CHST9: variants seen among roughly 807,000 people sequenced by gnomAD.
CHST9 encodes GalNAc-4-sulfotransferase 2.
CHST9 carries 41 observed loss-of-function variants against 44.4 expected under a neutral mutation model. The observed-to-expected ratio is 0.92, with a 90% confidence interval of 0.72 to 1.20. CHST9 has a LOEUF of 1.20. CHST9 is among the 50% of genes most tolerant of loss of function. The pLI, the probability that CHST9 is intolerant of heterozygous loss-of-function variation, is 0.00. For synonymous variants in CHST9, 171 were observed against 178.4 expected (o/e 0.96, Z 0.33); for missense variants, 504 against 516.5 (o/e 0.98, Z 0.23).
chr18:27,143,583 C>A (rs943150016), intron 1 of CHST9, among the ~76,000 whole-genome samples: 10 of 144,724 alleles, frequency 6.9e-5, no homozygotes, highest in Non-Finnish European at 1.1e-4. Context: ...TTAATATAAC[C>A]TTAACCTTTT....
At chr18:27,031,387 C>A (rs2057338932) in intron 3 of CHST9, among the ~76,000 whole-genome samples, 1 of 152,084 alleles carries the variant, frequency 6.6e-6, no homozygotes, top group Admixed American at 6.6e-5. Flanking sequence ...TGACATATCC[C>A]CCCACCATCT....
At chr18:26,939,709 C>T (rs917506969) in intron 5 of CHST9, among the ~76,000 whole-genome samples, 2 of 152,160 alleles carry the variant, frequency 1.3e-5, no homozygotes, top group Non-Finnish European at 1.5e-5. Flanking sequence ...GCACTAGAGG[C>T]CTGATTCATT....
intron 1 of CHST9, among the ~76,000 whole-genome samples, chr18:27,176,959 A>C (rs964852077): frequency 2.0e-5 from 3 of 152,036 alleles, no homozygotes; most frequent in Admixed American, 2.0e-4. Flanking sequence ...TGATCATGCA[A>C]GAGGAGGATT....
At chr18:26,923,223 A>G (rs1338145232) in intron 5 of CHST9, among the ~76,000 whole-genome samples, 2 of 152,218 alleles carry the variant, frequency 1.3e-5, no homozygotes, top group African/African-American at 2.4e-5. Flanking sequence ...GCAAGATACT[A>G]TTGGAAGCTG....
At chr18:26,970,901 T>C (rs1394079209) in intron 4 of CHST9, among the ~76,000 whole-genome samples, 1 of 152,210 alleles carries the variant, frequency 6.6e-6, no homozygotes. Flanking sequence ...TCAAGATCTA[T>C]TCCTGCTTGT....
intron 2 of CHST9, among the ~76,000 whole-genome samples, chr18:27,076,456 G>A (rs113674084): frequency 7.9e-5 from 12 of 152,204 alleles, no homozygotes; most frequent in African/African-American, 2.2e-4. Flanking sequence ...AGAATTCTTG[G>A]AACACTTTGG....
intron 1 of CHST9, among the ~76,000 whole-genome samples, chr18:27,155,241 A>G (rs1021689977): frequency 1.3e-5 from 2 of 152,160 alleles, no homozygotes; most frequent in Admixed American, 1.3e-4. Context: ...ATGATCTACA[A>G]TATTAAGATG....
chr18:27,107,246 C>G (rs1261524393), intron 2 of CHST9, among the ~76,000 whole-genome samples: 1 of 152,166 alleles, frequency 6.6e-6, no homozygotes, highest in African/African-American at 2.4e-5. Context: ...TGAAGAGTTA[C>G]TGAAGTTTCC....
At chr18:27,054,907 A>T (rs765426876) in intron 2 of CHST9, among the ~76,000 whole-genome samples, 1 of 152,148 alleles carries the variant, frequency 6.6e-6, no homozygotes, top group Non-Finnish European at 1.5e-5. Flanking sequence ...ACACACACAT[A>T]TATACTATAT....
At chr18:27,130,145 T>C (rs1172456872) in intron 2 of CHST9, among the ~76,000 whole-genome samples, 1 of 152,184 alleles carries the variant, frequency 6.6e-6, no homozygotes, top group Non-Finnish European at 1.5e-5. Flanking sequence ...CTTTGACATT[T>C]AAAGGAGTTT....
At chr18:27,088,765 T>C (rs1197090327) in intron 2 of CHST9, among the ~76,000 whole-genome samples, 1 of 152,186 alleles carries the variant, frequency 6.6e-6, no homozygotes, top group Non-Finnish European at 1.5e-5. Flanking sequence ...CTACTCAAGC[T>C]GCTAGTAAAT....
At chr18:27,152,562 A>G (rs146995617) in intron 1 of CHST9, among the ~76,000 whole-genome samples, 13 of 152,326 alleles carry the variant, frequency 8.5e-5, no homozygotes, top group Middle Eastern at 3.4e-3. Context: ...AAAATATCAT[A>G]TTTGACATTT....
At chr18:27,048,743 T>C (rs1285131352) in intron 2 of CHST9, among the ~76,000 whole-genome samples, 1 of 152,182 alleles carries the variant, frequency 6.6e-6, no homozygotes, top group Non-Finnish European at 1.5e-5. Flanking sequence ...AAAATCTTGT[T>C]AGCCAGAGTC....
rs1426176177 is a variant in CHST9 at position 26,916,080 on chromosome 18, AGG to A, written c.*177_*178del. ...AACTCAAGTTGTTTACATCTCCTGT[AGG>A]TGATTTTCCTATAACTTTGTGCCAA... On this transcript the variant is annotated 3_prime_UTR_variant, in exon 6 of 6. Transcript: ENST00000618847. 6 of 513,600 alleles carry A rather than the reference AGG, an allele frequency of 1.2e-5. No homozygotes were observed. The highest frequency in any genetic ancestry group is 2.0e-5 in the African/African-American group (1 of 51,062). 31.8% of individuals were successfully genotyped at this position (513,600 alleles called of 1,614,324 possible).
At chr18:27,098,146 G>C (rs2058135522) in intron 2 of CHST9, among the ~76,000 whole-genome samples, 1 of 151,790 alleles carries the variant, frequency 6.6e-6, no homozygotes, top group Non-Finnish European at 1.5e-5. Context: ...AGTGGGTGAA[G>C]GATATGAACA....
At chr18:27,162,339 A>G (rs1379723810) in intron 1 of CHST9, among the ~76,000 whole-genome samples, 1 of 151,746 alleles carries the variant, frequency 6.6e-6, no homozygotes, top group Non-Finnish European at 1.5e-5. Flanking sequence ...GCTTGTCTGT[A>G]AAGGATTTTA....
At position 27,142,778 on chromosome 18, in the gene CHST9, T is replaced by C. The variant is rs1446039094; in HGVS notation, c.32A>G (p.Lys11Arg). ...TATCAGCACAGAGAGGAAGACTTGT[T>C]TGGGGTTCATGACCATTTCAGATGG... MQPSEMVMNP[K>R]QVFLSVLIFG... The change falls in exon 2 of 6, where the codon AAA (lysine) becomes AGA (arginine). Residue 11 changes from lysine to arginine, a missense_variant. Lys to Arg is a conservative substitution (Grantham distance 26). Coordinates refer to ENST00000618847, the MANE Select transcript of CHST9 (RefSeq NM_031422.6). The C allele has an allele frequency of 3.1e-6, 5 of 1,611,556 alleles. No individual in the cohort carries two copies. Among genetic ancestry groups the C allele is most frequent in the African/African-American group, 2.7e-5 (2 of 74,866 alleles).
At chr18:26,923,258 A>G (rs149843515) in intron 5 of CHST9, among the ~76,000 whole-genome samples, 14 of 152,372 alleles carry the variant, frequency 9.2e-5, no homozygotes, top group African/African-American at 2.9e-4. Flanking sequence ...GGGGTCCAGG[A>G]TACAAAGAAA....
chr18:26,979,428 C>A (rs1463860131), intron 4 of CHST9, among the ~76,000 whole-genome samples: 1 of 152,068 alleles, frequency 6.6e-6, no homozygotes, highest in East Asian at 1.9e-4. Context: ...TTATAGTCTG[C>A]TTTTGTTTCC....
Sources: allele counts gnomAD v4.1 joint callset (sites outside exome capture counted in the v4.1 genomes callset), GRCh38; gene constraint gnomAD v4.1.1; transcripts MANE v1.5; gene names NCBI Gene and HGNC (gene_info 2026-07-23, HGNC 2026-07-21).